The following GSE1 variants were observed in gnomAD, a reference collection of about 807,000 sequenced individuals.
GSE1 encodes the protein Gse1 coiled-coil protein.
In GSE1, 32 loss-of-function variants were observed where a neutral mutation model predicts 112.6. That is an observed-to-expected ratio of 0.28 (90% confidence interval 0.21 to 0.38). The LOEUF (loss-of-function observed/expected upper bound fraction) is 0.38, where lower values mean the gene tolerates loss of function less well. Ranked by LOEUF, GSE1 falls within the 10% of genes least tolerant of loss-of-function variation. The probability of loss-of-function intolerance (pLI) is 1.00; values close to 1 mark genes in which losing one functional copy is unlikely to be tolerated. For missense variants in GSE1, 2,348 were observed against 1,699.2 expected, an observed-to-expected ratio of 1.38 and a Z score of -6.71; for synonymous variants, 1,115 against 735.6, an observed-to-expected ratio of 1.52 and a Z score of -8.35.
chr16:85,310,099 C>G (rs1010318954), intron 1 of GSE1, among the ~76,000 whole-genome samples: 1 of 152,236 alleles, frequency 6.6e-6, no homozygotes, highest in Non-Finnish European at 1.5e-5. Flanking sequence ...ACCCCTGTCC[C>G]GCCTGGCACT....
chr16:85,290,418 A>C (rs925608322), intron 1 of GSE1, among the ~76,000 whole-genome samples: 1 of 152,138 alleles, frequency 6.6e-6, no homozygotes, highest in East Asian at 1.9e-4. Flanking sequence ...ATGACATGTA[A>C]GCAGTTCTCT....
At chr16:85,591,488 A>G (rs2047000331) in intron 1 of GSE1, among the ~76,000 whole-genome samples, 2 of 152,214 alleles carry the variant, frequency 1.3e-5, no homozygotes, top group Admixed American at 6.5e-5. Context: ...GGTTCTTTGC[A>G]AACAGCCAAC....
intron 1 of GSE1, among the ~76,000 whole-genome samples, chr16:85,620,406 G>A (rs1290710261): frequency 1.3e-5 from 2 of 152,216 alleles, no homozygotes; most frequent in Non-Finnish European, 2.9e-5. Context: ...TAATGTTTTT[G>A]CATTTGACAT....
rs1186947231 is a variant in GSE1 at position 85,299,470 on chromosome 16, T to G, written c.2284-57993T>G. ...AAGCCACCAAGCCCACTTCTGCCAGTGACCTGCCTGAGGTCGGAGGGAGCG... is the reference window on the plus strand; with the variant it reads ...AAGCCACCAAGCCCACTTCTGCCAGGGACCTGCCTGAGGTCGGAGGGAGCG... On this transcript the variant is annotated intron_variant, in intron 1 of 2. Coordinates refer to the GSE1 transcript ENST00000637419. Among the ~76,000 whole-genome samples, 3 of 152,354 alleles carry G rather than the reference T, an allele frequency of 2.0e-5. No homozygotes were observed. The East Asian group carries it at 5.8e-4, about 29-fold the overall frequency.
Position 85,585,846 on chromosome 16 carries a change from G to C in GSE1, c.37+29483G>C, listed in dbSNP as rs141475729. ...CTGCAGGGTGCGACTTGGGACCTGT[G>C]TGAGGAGTGTGGACTTGGAGCCAGC... On this transcript the variant is annotated intron_variant, in intron 1 of 2. Transcript: ENST00000635906. 3.1e-3 allele frequency among the ~76,000 whole-genome samples: 467 copies of C among 152,350 alleles called. 1 individual carries two copies. Among genetic ancestry groups the C allele is most frequent in the African/African-American group, 0.011 (452 of 41,578 alleles).
At chr16:85,256,079 C>T (rs1372908025) in intron 1 of GSE1, among the ~76,000 whole-genome samples, 1 of 152,198 alleles carries the variant, frequency 6.6e-6, no homozygotes, top group Non-Finnish European at 1.5e-5. Flanking sequence ...GAGAATAATA[C>T]TAATTTCCTC....
intron 1 of GSE1, among the ~76,000 whole-genome samples, chr16:85,327,226 C>T (rs2046244527): frequency 6.6e-6 from 1 of 152,206 alleles, no homozygotes; most frequent in Non-Finnish European, 1.5e-5. Flanking sequence ...CACAAGGCAC[C>T]CGCCACTTCT....
chr16:85,491,095 G>GCC (rs2050996778), intron 2 of GSE1, among the ~76,000 whole-genome samples: 2 of 152,136 alleles, frequency 1.3e-5, no homozygotes, highest in South Asian at 4.1e-4. Flanking sequence ...GTACAGCTGG[G>GCC]CCCCCCAAGC....
chr16:85,417,209 C>T (rs1249039058), intron 2 of GSE1, among the ~76,000 whole-genome samples: 1 of 152,196 alleles, frequency 6.6e-6, no homozygotes, highest in Non-Finnish European at 1.5e-5. Flanking sequence ...GTGGTGGGGG[C>T]CATCCTGTGC....
At chr16:85,389,460 CAA>C (rs59509773) in intron 2 of GSE1, among the ~76,000 whole-genome samples, 2,763 of 77,782 alleles carry the variant, frequency 0.036, 71 homozygotes, top group African/African-American at 0.11. Context: ...ACTCTGTCTC[CAA>C]AAAAAAAAAA....
intron 1 of GSE1, among the ~76,000 whole-genome samples, chr16:85,313,044 A>T (rs2045896337): frequency 6.6e-6 from 1 of 152,098 alleles, no homozygotes. Context: ...TGCCCGGCTG[A>T]TACTCGCCAA....
intron 1 of GSE1, among the ~76,000 whole-genome samples, chr16:85,232,260 G>C (rs917182640): frequency 6.6e-6 from 1 of 152,230 alleles, no homozygotes; most frequent in Non-Finnish European, 1.5e-5. Context: ...TGTGGCCACA[G>C]TGTGCTCCCC....
rs58036747 is a variant in GSE1 at position 85,419,708 on chromosome 16, G to A, written c.2464+62065G>A. 0.096 allele frequency among the ~76,000 whole-genome samples: 14,614 copies of A among 152,102 alleles called. 1,204 individuals are homozygous for A. Among genetic ancestry groups the A allele is most frequent in the African/African-American group, 0.22 (9,230 of 41,462 alleles). On this transcript the variant is annotated intron_variant, in intron 2 of 2. Transcript: ENST00000637419. This position sits in a 1 kb window ranked among gnomAD's most constrained non-coding sequence, Gnocchi z 6.5. ...CAGTCGTGTGCAACGGTGAATGCAC[G>A]TTGGAATCAGCTGGGGATCTCTAAA... is the stretch of plus-strand genomic sequence containing the variant.
At chr16:85,253,468 T>G (rs1418167651) in intron 1 of GSE1, among the ~76,000 whole-genome samples, 1 of 152,206 alleles carries the variant, frequency 6.6e-6, no homozygotes, top group East Asian at 1.9e-4. Context: ...CTCTGCTGTC[T>G]CCACCTGGGA....
rs371658318 is a variant in GSE1 at position 85,439,241 on chromosome 16, G to A, written c.2464+81598G>A. ...AAAAAGCCACTGAGGTGGGGCCCGG[G>A]AACAGGGGTTAGGACAGCCAGGAGG... On this transcript the variant is annotated intron_variant, in intron 2 of 2. Transcript: ENST00000637419. 4.6e-5 allele frequency among the ~76,000 whole-genome samples: 7 copies of A among 152,250 alleles called. No homozygotes were observed. In the South Asian group the frequency reaches 1.4e-3, roughly 32 times the overall value.
At chr16:85,304,601 C>A (rs865929640) in intron 1 of GSE1, among the ~76,000 whole-genome samples, 1 of 78,180 alleles carries the variant, frequency 1.3e-5, no homozygotes, top group African/African-American at 4.5e-5. Context: ...AAGCCGGGGG[C>A]GGGGGGGTGG....
At chr16:85,291,511 G>A (rs750318001) in intron 1 of GSE1, among the ~76,000 whole-genome samples, 16 of 152,340 alleles carry the variant, frequency 1.1e-4, no homozygotes, top group African/African-American at 3.4e-4. Flanking sequence ...TGTCCCATGG[G>A]GTCGAATAAA....
intron 1 of GSE1, among the ~76,000 whole-genome samples, chr16:85,236,017 G>C (rs1904616978): frequency 6.6e-6 from 1 of 150,848 alleles, no homozygotes; most frequent in Non-Finnish European, 1.5e-5. Context: ...GCTGGGCCTG[G>C]GGCTGCGGCT....
intron 2 of GSE1, among the ~76,000 whole-genome samples, chr16:85,455,876 C>T (rs1300690621): frequency 6.6e-6 from 1 of 152,264 alleles, no homozygotes; most frequent in Non-Finnish European, 1.5e-5. Flanking sequence ...CCATCCTGGC[C>T]TAATGCCCTT....
Sources: allele counts gnomAD v4.1 joint callset (sites outside exome capture counted in the v4.1 genomes callset), GRCh38; gene constraint gnomAD v4.1.1; non-coding constraint Gnocchi (gnomAD v3.1); transcripts MANE v1.5; gene names NCBI Gene and HGNC (gene_info 2026-07-23, HGNC 2026-07-21).